Variants in SPOP observed in about 807,000 individuals in gnomAD.
SPOP encodes speckle-type POZ protein.
SPOP carries 11 observed loss-of-function variants against 45.6 expected under a neutral mutation model. The ratio of observed to expected loss-of-function variants is 0.24; its 90% confidence interval spans 0.15 to 0.40. The LOEUF (loss-of-function observed/expected upper bound fraction) is 0.40. Ranked by LOEUF, SPOP falls within the 10% of genes least tolerant of loss-of-function variation. SPOP has a pLI of 1.00. For synonymous variants in SPOP, 166 were observed against 166.3 expected, an observed-to-expected ratio of 1.00 and a Z score of 0.01; for missense variants, 152 against 465.6, an observed-to-expected ratio of 0.33 and a Z score of 6.20.
intron 8 of SPOP, 55 bp from the exon 9 acceptor site, chr17:49,602,062 C>T (rs1042000862): frequency 1.3e-6 from 2 of 1,587,556 alleles, no homozygotes; most frequent in African/African-American, 2.7e-5. Flanking sequence ...GGGCTGACCA[C>T]TACTGAAGCT....
chr17:49,610,584 CAG>C (rs2071951195), intron 6 of SPOP, among the ~76,000 whole-genome samples: 1 of 152,210 alleles, frequency 6.6e-6, no homozygotes, highest in African/African-American at 2.4e-5. Flanking sequence ...TAGACTGAGG[CAG>C]TCTGAGGTTT....
rs1176154786 is a variant in SPOP at position 49,622,786 on chromosome 17, G to A, written c.25C>T (p.Pro9Ser). 1 of 1,614,152 alleles carries A rather than the reference G, an allele frequency of 6.2e-7. No individual in the cohort carries two copies. The highest frequency in any genetic ancestry group is 1.3e-5 in the African/African-American group (1 of 75,044). Reference sequence around the variant, plus strand: ...GGGCCACTCGACATTTCTGCCGGAGGTGGAGGACTTGGAACCCTTGACATC... The same window carrying A: ...GGGCCACTCGACATTTCTGCCGGAGATGGAGGACTTGGAACCCTTGACATC... Reference protein sequence around the residue: MSRVPSPPPPAEMSSGPVA... With the variant: MSRVPSPPSPAEMSSGPVA... Residue 9 changes from proline to serine, a missense_variant, in exon 2 of 10, where the codon CCT becomes TCT. By Grantham distance (74) the Pro-to-Ser change is moderately conservative (BLOSUM62 -1). This residue lies in a region of SPOP where 18 missense variants were observed against 33.6 expected (regional missense o/e 0.54). Coordinates refer to ENST00000504102, the MANE Select transcript of SPOP (RefSeq NM_001007228.2).
intron 6 of SPOP, among the ~76,000 whole-genome samples, chr17:49,608,580 TTTAAA>T (rs1445856198): frequency 6.6e-6 from 1 of 152,196 alleles, no homozygotes; most frequent in African/African-American, 2.4e-5. Flanking sequence ...TCAGGGAGAA[TTTAAA>T]TTTAGTTTTT....
At chr17:49,618,836 T>C (rs1399481443) in intron 5 of SPOP, 145 bp downstream of exon 5, 2 of 1,028,172 alleles carry the variant, frequency 1.9e-6, no homozygotes, top group Non-Finnish European at 1.4e-6. Context: ...ATCAGGTAGC[T>C]CAATCAGTCA....
chr17:49,670,326 G>A (rs939728484), intron 1 of SPOP, among the ~76,000 whole-genome samples: 30 of 152,234 alleles, frequency 2.0e-4, no homozygotes, highest in African/African-American at 7.0e-4. Flanking sequence ...GCCTTTCGGA[G>A]AGATTCACTA....
chr17:49,607,754 G>A, intron 7 of SPOP, 120 bp downstream of exon 7: 1 of 910,220 alleles, frequency 1.1e-6, no homozygotes, highest in South Asian at 1.6e-5. Flanking sequence ...GGAGTTTAGG[G>A]ACTCATACTC....
chr17:49,655,882 C>T (rs1457134308), intron 1 of SPOP, among the ~76,000 whole-genome samples: 1 of 152,162 alleles, frequency 6.6e-6, no homozygotes, highest in African/African-American at 2.4e-5. Context: ...GCAATCTTGG[C>T]TCACCGCAAC....
rs112880999 is a variant in SPOP at position 49,599,506 on chromosome 17, GT to G, written c.*871del. The G allele has an allele frequency of 0.026, 4,688 of 182,986 alleles. 172 individuals are homozygous for G. Among genetic ancestry groups the G allele is most frequent in the African/African-American group, 0.1 (3,883 of 37,376 alleles). 11.3% of individuals were successfully genotyped at this position (182,986 alleles called of 1,614,324 possible). A position where few individuals can be genotyped will look rare whatever the true frequency, so the allele number is the denominator to read the frequency against. ...CTTTTGTTCTGTTTTTGTTTTGTGT[GT>G]TTTTTTTTTTGTTTGTTTTTTAGAA... On this transcript the variant is annotated 3_prime_UTR_variant, in exon 10 of 10. Transcript: ENST00000504102.
At chr17:49,673,722 C>T (rs1425769579) in intron 1 of SPOP, among the ~76,000 whole-genome samples, 1 of 152,214 alleles carries the variant, frequency 6.6e-6, no homozygotes, top group African/African-American at 2.4e-5. Context: ...CAAATGAACT[C>T]TCCTCTAACC....
chr17:49,605,622 G>A (rs1387013850), intron 8 of SPOP, among the ~76,000 whole-genome samples: 2 of 152,026 alleles, frequency 1.3e-5, no homozygotes, highest in Admixed American at 6.5e-5. Context: ...CCTGGGAGGC[G>A]GAGGTTGCAG....
chr17:49,606,501 T>C (rs1286811811), intron 8 of SPOP, among the ~76,000 whole-genome samples: 95 of 141,960 alleles, frequency 6.7e-4, no homozygotes, highest in African/African-American at 2.2e-3. Context: ...TTTTCTTTTT[T>C]TTTTTTTTTT....
chr17:49,623,822 CT>C (rs2072268618), intron 1 of SPOP, among the ~76,000 whole-genome samples: 1 of 152,132 alleles, frequency 6.6e-6, no homozygotes, highest in South Asian at 2.1e-4. Flanking sequence ...TCTTCGTCCA[CT>C]GTTGCTCCCC....
intron 1 of SPOP, among the ~76,000 whole-genome samples, chr17:49,626,905 G>A (rs938476734): frequency 1.3e-5 from 2 of 152,022 alleles, no homozygotes; most frequent in Non-Finnish European, 2.9e-5. Context: ...AGGCTGGAGT[G>A]CAGTGGCGAT....
In SPOP at chr17:49,598,918, C is replaced by T. The variant is rs946343523; in HGVS notation, c.*1460G>A. ...ATAATTTCCCTTTATTTAATCTCCA[C>T]ATTTATGTCCCCTGGATCTTTTTAT... On this transcript the variant is annotated 3_prime_UTR_variant, in exon 10 of 10. Coordinates refer to ENST00000504102, the MANE Select transcript of SPOP (RefSeq NM_001007228.2). The T allele has an allele frequency of 5.4e-6, 1 of 186,276 alleles. No individual in the cohort carries two copies. The highest frequency in any genetic ancestry group is 1.1e-5 in the Non-Finnish European group (1 of 87,784). 11.5% of individuals were successfully genotyped at this position (186,276 alleles called of 1,614,324 possible).
intron 1 of SPOP, among the ~76,000 whole-genome samples, chr17:49,667,307 A>G (rs2143559983): frequency 6.7e-6 from 1 of 148,664 alleles, no homozygotes; most frequent in South Asian, 2.1e-4. Context: ...AAAAAAAAAA[A>G]GGCCAGGTAC....
intron 8 of SPOP, among the ~76,000 whole-genome samples, chr17:49,605,553 G>A (rs773687097): frequency 1.3e-4 from 20 of 151,898 alleles, no homozygotes; most frequent in Non-Finnish European, 2.8e-4. Context: ...AGCTGGGTGT[G>A]GTGGTGCATG....
At chr17:49,646,473 A>G (rs555731045) in intron 1 of SPOP, 104 of 151,944 alleles carry the variant, frequency 6.8e-4, no homozygotes, top group African/African-American at 2.4e-3. Context: ...TGGAGGCCAC[A>G]GTGAGCCGAG....
chr17:49,633,832 A>G (rs1396457599), intron 1 of SPOP, among the ~76,000 whole-genome samples: 2 of 152,166 alleles, frequency 1.3e-5, no homozygotes, highest in African/African-American at 4.8e-5. Flanking sequence ...TTACTGAGCT[A>G]AACACATCCA....
intron 1 of SPOP, among the ~76,000 whole-genome samples, chr17:49,625,171 G>A (rs2072304581): frequency 6.6e-6 from 1 of 152,032 alleles, no homozygotes; most frequent in Non-Finnish European, 1.5e-5. Context: ...GCTAAACGTG[G>A]GCACAAGATA....
Sources: gnomAD v4.1 joint callset for allele counts (sites outside exome capture counted in the v4.1 genomes callset) on GRCh38, gnomAD v4.1.1 for gene constraint, gnomAD v4.1.1 regional missense constraint, MANE v1.5 for transcripts, NCBI Gene and HGNC (gene_info 2026-07-23, HGNC 2026-07-21) for gene names.